Variants in MERTK observed in about 807,000 individuals in gnomAD.
MERTK encodes tyrosine-protein kinase Mer.
In MERTK, 69 loss-of-function variants were observed where a neutral mutation model predicts 99.3. That is an observed-to-expected ratio of 0.70 (90% CI 0.57 to 0.85). MERTK has a LOEUF of 0.85. MERTK is among the 40% of genes least tolerant of loss of function. The probability of loss-of-function intolerance (pLI) is 0.00; values close to 1 mark genes in which losing one functional copy is unlikely to be tolerated. For synonymous variants in MERTK, 426 were observed against 467.6 expected (o/e 0.91, Z 1.15); for missense variants, 1,125 against 1,249.4 (o/e 0.90, Z 1.50).
chr2:111,914,867 TG>T (rs1383253738), intron 1 of MERTK, among the ~76,000 whole-genome samples: 5 of 152,204 alleles, frequency 3.3e-5, no homozygotes, highest in Non-Finnish European at 7.3e-5. Context: ...TCTGTATTTT[TG>T]TCTGGTTTTG....
chr2:112,008,567 A>T, intron 14 of MERTK, 92 bp downstream of exon 14: 1 of 918,894 alleles, frequency 1.1e-6, no homozygotes, highest in Non-Finnish European at 1.8e-6. Flanking sequence ...AGATAAGTTT[A>T]CACTTCGTAT....
At chr2:111,904,437 C>T (rs1265651290) in intron 1 of MERTK, among the ~76,000 whole-genome samples, 1 of 149,298 alleles carries the variant, frequency 6.7e-6, no homozygotes, top group Non-Finnish European at 1.5e-5. Flanking sequence ...GTGCATGTGG[C>T]GCGATCTCGG....
At chr2:112,027,316 A>G (rs1197772543) in intron 18 of MERTK, among the ~76,000 whole-genome samples, 2 of 151,386 alleles carry the variant, frequency 1.3e-5, no homozygotes, top group Non-Finnish European at 2.9e-5. Flanking sequence ...GTGTGTATAT[A>G]TATACACACA....
At chr2:111,910,582 TAAAAA>T (rs936285185) in intron 1 of MERTK, among the ~76,000 whole-genome samples, 2 of 106,148 alleles carry the variant, frequency 1.9e-5, no homozygotes, top group African/African-American at 6.5e-5. Flanking sequence ...CCCTGTAACT[TAAAAA>T]AAAAGTGTGT....
At chr2:111,984,102 C>G (rs1201695395) in intron 8 of MERTK, among the ~76,000 whole-genome samples, 1 of 152,084 alleles carries the variant, frequency 6.6e-6, no homozygotes, top group Admixed American at 6.5e-5. Context: ...AGTCTGAAGG[C>G]CTGAGAAACA....
At chr2:111,954,764 C>T (rs2104711661) in intron 4 of MERTK, among the ~76,000 whole-genome samples, 1 of 152,232 alleles carries the variant, frequency 6.6e-6, no homozygotes, top group South Asian at 2.1e-4. Context: ...TAAAACAAGT[C>T]CAGGGAGGAA....
At chr2:112,004,636 G>T (rs550889076) in intron 13 of MERTK, among the ~76,000 whole-genome samples, 1 of 152,320 alleles carries the variant, frequency 6.6e-6, no homozygotes, top group South Asian at 2.1e-4. Flanking sequence ...AACCAGCCGG[G>T]CACGGTGGCT....
rs749632232 is a variant in MERTK, at chr2:111,997,140, C to T, written c.1451-183C>T. 5.1e-6 allele frequency: 4 copies of T among 781,996 alleles called. No individual in the cohort carries two copies. The East Asian group carries it at 7.3e-5, about 14-fold the overall frequency. The allele number at this position is 781,996 out of a possible 1,614,324, so 48.4% of individuals were successfully genotyped here. Reference sequence around the variant, plus strand: ...TGGAATGAGTAAATCAAGCTAGTTTCCCATCAGTTATTAAGATCTCTTCGC... The same window carrying T: ...TGGAATGAGTAAATCAAGCTAGTTTTCCATCAGTTATTAAGATCTCTTCGC... On this transcript the variant is annotated intron_variant, in intron 9 of 18. Transcript: ENST00000295408.
At position 112,021,378 on chromosome 2, in the gene MERTK, G is replaced by T. The variant is rs947054898; in HGVS notation, c.2190-44G>T. 3.1e-6 allele frequency: 5 copies of T among 1,610,426 alleles called. No homozygotes were observed. In the African/African-American group the frequency reaches 6.7e-5, roughly 22 times the overall value. ...GTCTGATACAGACCAGTAATTTAAG[G>T]CATTGCCTCTGACGCTGCTGAAGAC... On this transcript the variant is annotated intron_variant, in intron 16 of 18. Transcript: ENST00000295408.
chr2:111,913,856 G>A (rs72938430), intron 1 of MERTK, among the ~76,000 whole-genome samples: 4,915 of 152,164 alleles, frequency 0.032, 255 homozygotes, highest in African/African-American at 0.11. Flanking sequence ...GCCTTCCTTG[G>A]AATTTTCTAT....
intron 4 of MERTK, among the ~76,000 whole-genome samples, chr2:111,963,039 C>A (rs188486885): frequency 6.6e-6 from 1 of 152,110 alleles, no homozygotes; most frequent in Non-Finnish European, 1.5e-5. Context: ...GGGTGTTTCT[C>A]GGAGAGGGGG....
chr2:111,996,232 G>T (rs1194211416), intron 9 of MERTK: 1 of 154,188 alleles, frequency 6.5e-6, no homozygotes, highest in Non-Finnish European at 1.5e-5. Context: ...CAAAAATATA[G>T]TTCCAATTTT....
At position 111,974,769 on chromosome 2, in the gene MERTK, CAAAA is replaced by C. The variant is rs35594851; in HGVS notation, c.961-500_961-497del. Reference sequence around the variant, plus strand: ...GGGCAAAGAGAGCGAAGGTCCATCTCAAAAAAAAAAAAAAAAAAAAAAAGAAAGA... The same window carrying C: ...GGGCAAAGAGAGCGAAGGTCCATCTCAAAAAAAAAAAAAAAAAAAGAAAGA... On this transcript the variant is annotated intron_variant, in intron 6 of 18. Transcript: ENST00000295408. Among the ~76,000 whole-genome samples, 21 of 53,380 alleles carry C rather than the reference CAAAA, an allele frequency of 3.9e-4. 1 individual carries two copies. The highest frequency in any genetic ancestry group is 0.018 in the Middle Eastern group (1 of 56). The allele number at this position is 53,380 out of a possible 152,430, so 35.0% of individuals were successfully genotyped here. A position where few individuals can be genotyped will look rare whatever the true frequency, so the allele number is the denominator to read the frequency against.
At chr2:111,981,121 T>G (rs926226478) in intron 7 of MERTK, among the ~76,000 whole-genome samples, 13 of 152,214 alleles carry the variant, frequency 8.5e-5, no homozygotes, top group Non-Finnish European at 1.9e-4. Flanking sequence ...TCATGATTAC[T>G]GTTTCTGGAA....
At chr2:112,002,169 A>G (rs1676882844) in intron 11 of MERTK, among the ~76,000 whole-genome samples, 1 of 151,966 alleles carries the variant, frequency 6.6e-6, no homozygotes, top group African/African-American at 2.4e-5. Flanking sequence ...CTTCTGGTTA[A>G]TTTCTCTTGT....
intron 4 of MERTK, among the ~76,000 whole-genome samples, chr2:111,947,954 A>C (rs1684991384): frequency 6.6e-6 from 1 of 152,132 alleles, no homozygotes; most frequent in Non-Finnish European, 1.5e-5. Context: ...GAGTGGATTC[A>C]TCATGGGGAG....
At chr2:112,027,740 T>C (rs192148215) in intron 18 of MERTK, among the ~76,000 whole-genome samples, 2 of 152,114 alleles carry the variant, frequency 1.3e-5, no homozygotes, top group East Asian at 3.9e-4. Context: ...CTAGATGGAG[T>C]GATACGCAGC....
chr2:112,014,624 A>G (rs1019524867), intron 15 of MERTK, among the ~76,000 whole-genome samples: 1 of 151,742 alleles, frequency 6.6e-6, no homozygotes, highest in African/African-American at 2.4e-5. Flanking sequence ...ATGGAGTCAT[A>G]CATTTATAAC....
chr2:111,940,793 A>G, intron 2 of MERTK: 1 of 1,040,872 alleles, frequency 9.6e-7, no homozygotes, highest in Non-Finnish European at 1.5e-6. Flanking sequence ...CCAAGAAGCC[A>G]GTCAATAGCT....
Sources: gnomAD v4.1 joint callset for allele counts (sites outside exome capture counted in the v4.1 genomes callset) on GRCh38, gnomAD v4.1.1 for gene constraint, MANE v1.5 for transcripts, NCBI Gene and HGNC (gene_info 2026-07-23, HGNC 2026-07-21) for gene names.